PLXNA2: variants seen among roughly 807,000 people sequenced by gnomAD.
The protein encoded by PLXNA2 is plexin-A2.
A neutral mutation model predicts 193.5 loss-of-function variants in PLXNA2; 91 were observed. That is an observed-to-expected ratio of 0.47 (90% CI 0.40 to 0.56). The LOEUF is 0.56. Ranked by LOEUF, PLXNA2 falls within the 20% of genes least tolerant of loss-of-function variation. The pLI is 0.00. For synonymous variants in PLXNA2, 997 were observed against 1,027.3 expected, an observed-to-expected ratio of 0.97 and a Z score of 0.56; for missense variants, 1,995 against 2,503.2, an observed-to-expected ratio of 0.80 and a Z score of 4.33.
chr1:208,066,108 A>T (rs765233037), intron 12 of PLXNA2, among the ~76,000 whole-genome samples: 3 of 152,110 alleles, frequency 2.0e-5, no homozygotes, highest in African/African-American at 4.8e-5. Flanking sequence ...GAAACCTGTC[A>T]AATCAGCAGG....
rs149044514 is a variant in PLXNA2 at position 208,208,039 on chromosome 1, C to A, written c.1371+2241G>T. Among the ~76,000 whole-genome samples the A allele has an allele frequency of 5.3e-3, 801 of 152,356 alleles. 2 individuals are homozygous for A. Among genetic ancestry groups the A allele is most frequent in the Non-Finnish European group, 8.9e-3 (605 of 68,036 alleles). On this transcript the variant is annotated intron_variant, in intron 3 of 31. Coordinates refer to ENST00000367033, the MANE Select transcript of PLXNA2 (RefSeq NM_025179.4). ...TTCAATAAGGCCAGGAGAACTTGGC[C>A]AACTCAGGTGTGTGACTTGGATAGA... is the stretch of plus-strand genomic sequence containing the variant.
At chr1:208,159,589 C>T (rs1029100717) in intron 3 of PLXNA2, among the ~76,000 whole-genome samples, 31 of 152,246 alleles carry the variant, frequency 2.0e-4, no homozygotes, top group African/African-American at 7.5e-4. Context: ...ATTTAGGACT[C>T]TGACAGCCAA....
chr1:208,198,283 C>T (rs1670423286), intron 3 of PLXNA2, among the ~76,000 whole-genome samples: 1 of 152,198 alleles, frequency 6.6e-6, no homozygotes, highest in African/African-American at 2.4e-5. Flanking sequence ...TGCTCCTCCT[C>T]CCCACTGAAA....
intron 3 of PLXNA2, among the ~76,000 whole-genome samples, chr1:208,155,110 G>C (rs774809844): frequency 2.4e-4 from 36 of 152,178 alleles, no homozygotes; most frequent in Non-Finnish European, 4.9e-4. Context: ...GGAGGCAGCA[G>C]AGGGTTAGCA....
intron 2 of PLXNA2, among the ~76,000 whole-genome samples, chr1:208,212,780 T>C (rs564581871): frequency 3.4e-4 from 52 of 152,224 alleles, no homozygotes; most frequent in African/African-American, 1.3e-3. Context: ...ACTTTTTACA[T>C]TGTGTGCTTC....
intron 24 of PLXNA2, 34 bp from the exon 25 acceptor site, chr1:208,039,018 G>A (rs1320333473): frequency 1.3e-6 from 2 of 1,595,692 alleles, no homozygotes; most frequent in Non-Finnish European, 1.7e-6. Context: ...AGCAGGACAG[G>A]AGTTGAAGGA....
chr1:208,242,423 T>C (rs1247332135), intron 1 of PLXNA2, among the ~76,000 whole-genome samples: 3 of 152,108 alleles, frequency 2.0e-5, no homozygotes, highest in Non-Finnish European at 4.4e-5. Flanking sequence ...GCCCCCAAAT[T>C]TCTGTGGGTT....
At chr1:208,029,156 G>A (rs1664426992) in intron 29 of PLXNA2, 114 bp from the exon 30 acceptor site, 1 of 1,499,212 alleles carries the variant, frequency 6.7e-7, no homozygotes, top group South Asian at 1.3e-5. Context: ...GGGCAAAGGA[G>A]TAAAATGGAA....
chr1:208,125,661 A>G (rs1667953923), intron 4 of PLXNA2, among the ~76,000 whole-genome samples: 1 of 152,140 alleles, frequency 6.6e-6, no homozygotes, highest in Non-Finnish European at 1.5e-5. Flanking sequence ...TCATATTCAA[A>G]CCGAATATTC....
intron 3 of PLXNA2, among the ~76,000 whole-genome samples, chr1:208,165,914 C>T (rs1431606617): frequency 1.3e-5 from 2 of 152,158 alleles, no homozygotes; most frequent in Non-Finnish European, 2.9e-5. Flanking sequence ...TGTACTCCTC[C>T]CTCCTGCTCA....
At chr1:208,201,939 T>G (rs183629023) in intron 3 of PLXNA2, among the ~76,000 whole-genome samples, 14 of 152,000 alleles carry the variant, frequency 9.2e-5, no homozygotes, top group Admixed American at 9.2e-4. Context: ...TTTGTCTGAC[T>G]TCCCACATTC....
intron 29 of PLXNA2, chr1:208,031,339 C>G (rs1664497296): frequency 1.5e-6 from 2 of 1,343,474 alleles, no homozygotes; most frequent in African/African-American, 1.5e-5. Context: ...TGGTCACAAC[C>G]TGGAGGGGCA....
intron 3 of PLXNA2, among the ~76,000 whole-genome samples, chr1:208,201,953 T>G (rs1006021852): frequency 6.6e-6 from 1 of 150,414 alleles, no homozygotes; most frequent in Non-Finnish European, 1.5e-5. Flanking sequence ...CACATTCAGA[T>G]AATTTCCATC....
chr1:208,180,954 C>T (rs763763326), intron 3 of PLXNA2, among the ~76,000 whole-genome samples: 11 of 152,194 alleles, frequency 7.2e-5, no homozygotes, highest in African/African-American at 9.7e-5. Context: ...GAGGGGATGG[C>T]GGAGGCTGAC....
At chr1:208,043,324 G>T (rs2102320993) in intron 20 of PLXNA2, 121 bp from the exon 21 acceptor site, 5 of 891,718 alleles carry the variant, frequency 5.6e-6, no homozygotes, top group Non-Finnish European at 8.6e-6. Flanking sequence ...GAGGATTACG[G>T]GAGTGTGTCT....
At position 208,054,526 on chromosome 1, in the gene PLXNA2, C is replaced by G; in HGVS notation, c.2751G>C (p.Glu917Asp). The change falls in exon 14 of 32, where the codon GAG (glutamate) becomes GAC (aspartate). Residue 917 changes from glutamate to aspartate, a missense_variant. Around this residue, in one of 3 missense-constraint regions of PLXNA2, gnomAD observed 1,291 missense variants for 1,673.6 expected, o/e 0.77. Transcript: ENST00000367033. The part of the protein sequence containing the change: ...EYIIAEQIVC[E>D]MGHALVGTTS... ...TGGTTCCCACGAGGGCATGGCCCAT[C>G]TCACAGACAATCCTGGGGAGAAAGC... 6.2e-7 allele frequency: 1 copy of G among 1,613,636 alleles called. No individual in the cohort carries two copies. Among genetic ancestry groups the G allele is most frequent in the Non-Finnish European group, 8.5e-7 (1 of 1,179,508 alleles).
chr1:208,222,273 T>C (rs1393955203), intron 1 of PLXNA2, among the ~76,000 whole-genome samples: 3 of 152,166 alleles, frequency 2.0e-5, no homozygotes, highest in African/African-American at 4.8e-5. Context: ...TTCTGTCACA[T>C]CCCTCTCTGT....
At chr1:208,039,053 C>A in intron 24 of PLXNA2, 69 bp from the exon 25 acceptor site, 1 of 1,401,026 alleles carries the variant, frequency 7.1e-7, no homozygotes. Flanking sequence ...AGGGTCAGGA[C>A]CTCAGAATCT....
intron 27 of PLXNA2, among the ~76,000 whole-genome samples, chr1:208,034,095 C>T (rs1260227847): frequency 6.6e-6 from 1 of 152,208 alleles, no homozygotes; most frequent in Non-Finnish European, 1.5e-5. Context: ...CAGTACTCCT[C>T]GGACTAATTT....
Sources: allele counts gnomAD v4.1 joint callset (sites outside exome capture counted in the v4.1 genomes callset), GRCh38; gene constraint gnomAD v4.1.1; regional missense constraint gnomAD v4.1.1; transcripts MANE v1.5; gene names NCBI Gene and HGNC (gene_info 2026-07-23, HGNC 2026-07-21).